The following GRIA4 variants were observed in gnomAD, a reference collection of about 807,000 sequenced individuals.
GRIA4 encodes the protein glutamate ionotropic receptor AMPA type subunit 4.
A neutral mutation model predicts 104.0 loss-of-function variants in GRIA4; 34 were observed. The observed-to-expected ratio is 0.33, with a 90% confidence interval of 0.25 to 0.44. The LOEUF (loss-of-function observed/expected upper bound fraction) is 0.44, where lower values mean the gene tolerates loss of function less well. Ranked by LOEUF, GRIA4 falls within the 20% of genes least tolerant of loss-of-function variation. GRIA4 has a pLI of 1.00. For missense variants in GRIA4, 750 were observed against 1,096.5 expected (o/e 0.68, Z 4.46); for synonymous variants, 386 against 381.9 (o/e 1.01, Z -0.13).
At position 105,794,835 on chromosome 11, in the gene GRIA4, T is replaced by G. The variant is rs367788430; in HGVS notation, c.487+41615T>G. Among the ~76,000 whole-genome samples, 325 of 151,970 alleles carry G rather than the reference T, an allele frequency of 2.1e-3. 1 individual carries two copies. Among genetic ancestry groups the G allele is most frequent in the African/African-American group, 7.3e-3 (303 of 41,490 alleles). On this transcript the variant is annotated intron_variant, in intron 4 of 16. Transcript: ENST00000282499. ...CTTAACCTGAAACTCAAATTTAGCA[T>G]TTAAATTATGAATATAGGCCATAAA... is the stretch of plus-strand genomic sequence containing the variant.
intron 4 of GRIA4, among the ~76,000 whole-genome samples, chr11:105,807,778 C>T (rs1943011616): frequency 6.6e-6 from 1 of 151,702 alleles, no homozygotes; most frequent in African/African-American, 2.4e-5. Context: ...ATTATTCAGA[C>T]TCTAGTTACT....
chr11:105,848,811 G>A (rs1283634900), intron 4 of GRIA4, among the ~76,000 whole-genome samples: 1 of 152,290 alleles, frequency 6.6e-6, no homozygotes, highest in East Asian at 1.9e-4. Context: ...AGGCAAGGAA[G>A]GTGAAGATGT....
chr11:105,732,094 G>C (rs926192123), intron 3 of GRIA4, among the ~76,000 whole-genome samples: 2 of 152,128 alleles, frequency 1.3e-5, no homozygotes, highest in Non-Finnish European at 2.9e-5. Flanking sequence ...GTAATATCAA[G>C]TGCAAAATAA....
chr11:105,809,655 CTT>C (rs928819603), intron 4 of GRIA4, among the ~76,000 whole-genome samples: 1 of 152,120 alleles, frequency 6.6e-6, no homozygotes, highest in Non-Finnish European at 1.5e-5. Flanking sequence ...TCTCCTCTCT[CTT>C]GGTGAAGAAG....
At chr11:105,712,484 A>G (rs1263189803) in intron 3 of GRIA4, among the ~76,000 whole-genome samples, 1 of 152,078 alleles carries the variant, frequency 6.6e-6, no homozygotes, top group East Asian at 1.9e-4. Context: ...GAATAATACC[A>G]TATAAATGGA....
chr11:105,943,545 G>A (rs759064688), intron 14 of GRIA4, among the ~76,000 whole-genome samples: 38 of 151,998 alleles, frequency 2.5e-4, no homozygotes, highest in Non-Finnish European at 4.7e-4. Context: ...TAAGGGCATC[G>A]TAACAACCTT....
intron 10 of GRIA4, chr11:105,912,199 T>C: frequency 1.0e-6 from 1 of 1,000,510 alleles, no homozygotes; most frequent in Non-Finnish European, 1.2e-6. Context: ...ATGTAAATGA[T>C]GGAATTATAT....
At chr11:105,789,804 G>A (rs1285596640) in intron 4 of GRIA4, among the ~76,000 whole-genome samples, 2 of 152,200 alleles carry the variant, frequency 1.3e-5, no homozygotes, top group Non-Finnish European at 2.9e-5. Context: ...CTAAGTGGAT[G>A]TCTTTAAATT....
chr11:105,765,807 T>C (rs1226326605), intron 4 of GRIA4, among the ~76,000 whole-genome samples: 2 of 152,208 alleles, frequency 1.3e-5, no homozygotes, highest in Non-Finnish European at 2.9e-5. Flanking sequence ...TAGCCTACAG[T>C]ATTTTCTAGC....
At chr11:105,773,112 ACTC>A (rs1210858563) in intron 4 of GRIA4, among the ~76,000 whole-genome samples, 1 of 151,496 alleles carries the variant, frequency 6.6e-6, no homozygotes, top group Non-Finnish European at 1.5e-5. Flanking sequence ...ACCTTCCCCT[ACTC>A]CTCCTTCTCA....
intron 4 of GRIA4, among the ~76,000 whole-genome samples, chr11:105,803,232 A>G (rs1199999867): frequency 6.6e-6 from 1 of 151,996 alleles, no homozygotes; most frequent in Non-Finnish European, 1.5e-5. Context: ...CTGTTCTTAT[A>G]TATAGTATCT....
At chr11:105,743,989 GC>G (rs2135665347) in intron 3 of GRIA4, among the ~76,000 whole-genome samples, 1 of 152,166 alleles carries the variant, frequency 6.6e-6, no homozygotes, top group Non-Finnish European at 1.5e-5. Flanking sequence ...TACTACAATA[GC>G]CTACTTACTG....
intron 4 of GRIA4, among the ~76,000 whole-genome samples, chr11:105,807,683 T>A (rs1226177529): frequency 1.3e-5 from 2 of 151,876 alleles, no homozygotes; most frequent in African/African-American, 4.8e-5. Context: ...CATATCCAAT[T>A]ATTTTTTTCA....
In GRIA4 at chr11:105,829,992, A is replaced by G. The variant is rs144803747; in HGVS notation, c.488-32032A>G. ...AACTAACAGACTGATAGACCTGGCT[A>G]AAATCTAAGCAGTTCATAAATCTGA... On this transcript the variant is annotated intron_variant, in intron 4 of 16. Transcript: ENST00000282499. Among the ~76,000 whole-genome samples, 105 of 152,130 alleles carry G rather than the reference A, an allele frequency of 6.9e-4. No individual in the cohort carries two copies. In the East Asian group the frequency reaches 1.0e-2, roughly 14 times the overall value.
intron 3 of GRIA4, among the ~76,000 whole-genome samples, chr11:105,749,265 C>A (rs527723892): frequency 6.6e-6 from 1 of 152,066 alleles, no homozygotes; most frequent in Non-Finnish European, 1.5e-5. Flanking sequence ...CTGGAAAATG[C>A]GGAAGCCAGG....
chr11:105,697,559 C>T (rs145464198), intron 3 of GRIA4, among the ~76,000 whole-genome samples: 1 of 152,264 alleles, frequency 6.6e-6, no homozygotes, highest in African/African-American at 2.4e-5. Context: ...GCTTTGCAAA[C>T]CTTTGCAGAA....
chr11:105,860,461 A>T (rs188294753), intron 4 of GRIA4, among the ~76,000 whole-genome samples: 2 of 152,202 alleles, frequency 1.3e-5, no homozygotes, highest in Non-Finnish European at 2.9e-5. Context: ...TATCACAGGA[A>T]GAAGAAACTA....
chr11:105,612,907 A>C (rs765342857), intron 3 of GRIA4: 1 of 154,880 alleles, frequency 6.5e-6, no homozygotes, highest in Non-Finnish European at 1.4e-5. Context: ...TGAGAAAAAG[A>C]GGGGAGTGGT....
chr11:105,739,338 C>T (rs1005879675), intron 3 of GRIA4, among the ~76,000 whole-genome samples: 4 of 152,076 alleles, frequency 2.6e-5, no homozygotes, highest in African/African-American at 7.2e-5. Flanking sequence ...TGCTTTTTAG[C>T]TCAGATGTCA....
Sources: allele counts gnomAD v4.1 joint callset (sites outside exome capture counted in the v4.1 genomes callset), GRCh38; gene constraint gnomAD v4.1.1; transcripts MANE v1.5; gene names NCBI Gene and HGNC (gene_info 2026-07-23, HGNC 2026-07-21).